TIMMDC1: variants seen among roughly 807,000 people sequenced by gnomAD.
TIMMDC1 encodes the protein complex I assembly factor TIMMDC1, mitochondrial.
Under a neutral mutation model 32.6 loss-of-function variants are expected in TIMMDC1, and 25 were observed. The observed-to-expected ratio is 0.77, with a 90% CI of 0.56 to 1.07. The LOEUF is 1.07. TIMMDC1 is among the 50% of genes least tolerant of loss of function. The probability of loss-of-function intolerance (pLI) is 0.00; values close to 1 mark genes in which losing one functional copy is unlikely to be tolerated. For missense variants in TIMMDC1, 329 were observed against 349.2 expected (o/e 0.94, Z 0.46); for synonymous variants, 130 against 127.6 (o/e 1.02, Z -0.13).
intron 4 of TIMMDC1, among the ~76,000 whole-genome samples, chr3:119,505,828 T>A (rs2081915371): frequency 6.6e-6 from 1 of 152,246 alleles, no homozygotes. Flanking sequence ...GACAACTTGC[T>A]TTATCTTCTT....
intron 6 of TIMMDC1, among the ~76,000 whole-genome samples, chr3:119,522,649 T>C (rs919747352): frequency 1.3e-5 from 2 of 152,204 alleles, no homozygotes; most frequent in African/African-American, 4.8e-5. Flanking sequence ...ACATTGTATA[T>C]GTACAAAAAT....
intron 2 of TIMMDC1, 84 bp downstream of exon 2, chr3:119,500,944 G>A (rs2081870177): frequency 2.2e-6 from 3 of 1,393,968 alleles, no homozygotes; most frequent in Non-Finnish European, 3.0e-6. Context: ...AGGTTGTGGG[G>A]ATGGAGGGTT....
intron 4 of TIMMDC1, among the ~76,000 whole-genome samples, chr3:119,507,768 T>C (rs1015842371): frequency 2.8e-4 from 42 of 152,338 alleles, no homozygotes; most frequent in Middle Eastern, 6.8e-3. Context: ...AAAGGAATTA[T>C]GGTAAATAGG....
chr3:119,517,183 T>C, intron 5 of TIMMDC1, 22 bp from the exon 6 acceptor site: 1 of 1,534,380 alleles, frequency 6.5e-7, no homozygotes, highest in Non-Finnish European at 9.0e-7. Flanking sequence ...TTTCCTAAGC[T>C]TTCCCTCTCC....
chr3:119,513,067 A>G (rs1387141222), intron 4 of TIMMDC1, among the ~76,000 whole-genome samples: 1 of 152,182 alleles, frequency 6.6e-6, no homozygotes, highest in Non-Finnish European at 1.5e-5. Flanking sequence ...AAAAAGTGTT[A>G]CCACCTTAGA....
intron 6 of TIMMDC1, among the ~76,000 whole-genome samples, chr3:119,521,000 G>A (rs7610335): frequency 0.36 from 55,216 of 151,998 alleles, 10,942 homozygotes; most frequent in African/African-American, 0.53. Flanking sequence ...GATCATCTCA[G>A]TAAATGAGAA....
intron 2 of TIMMDC1, among the ~76,000 whole-genome samples, chr3:119,502,196 T>G: frequency 6.6e-6 from 1 of 152,104 alleles, no homozygotes; most frequent in Non-Finnish European, 1.5e-5. Context: ...ATTCTTAGCA[T>G]TTATAATTTT....
intron 4 of TIMMDC1, among the ~76,000 whole-genome samples, chr3:119,511,781 C>T (rs944722862): frequency 1.3e-5 from 2 of 152,186 alleles, no homozygotes; most frequent in Non-Finnish European, 2.9e-5. Context: ...AATTCACAGA[C>T]GTACCACAAA....
intron 1 of TIMMDC1, among the ~76,000 whole-genome samples, chr3:119,499,334 A>T (rs1169730898): frequency 6.6e-6 from 1 of 151,170 alleles, no homozygotes; most frequent in African/African-American, 2.4e-5. Context: ...TCTTGGACTT[A>T]GGCGATCCGC....
chr3:119,524,828 G>A lies in TIMMDC1; in HGVS notation c.*1072G>A, dbSNP rs1365618633. On this transcript the variant is annotated 3_prime_UTR_variant, in exon 7 of 7. Coordinates refer to ENST00000494664, the MANE Select transcript of TIMMDC1 (RefSeq NM_016589.4). ...GTCAGAAAGACCCAGAAATACCAAG[G>A]AGAAAAAGCCATCTTAGGGATCTAA... is the stretch of plus-strand genomic sequence containing the variant. The A allele has an allele frequency of 6.6e-6, 1 of 152,186 alleles. No homozygotes were observed. The highest frequency in any genetic ancestry group is 2.4e-5 in the African/African-American group (1 of 41,446). 9.4% of individuals were successfully genotyped at this position (152,186 alleles called of 1,614,324 possible). A position where few individuals can be genotyped will look rare whatever the true frequency, so the allele number is the denominator to read the frequency against.
chr3:119,505,715 A>G (rs1319912669), intron 4 of TIMMDC1, among the ~76,000 whole-genome samples: 2 of 152,184 alleles, frequency 1.3e-5, no homozygotes, highest in Non-Finnish European at 2.9e-5. Flanking sequence ...CTTACAAAAG[A>G]TTGCAAAATA....
intron 4 of TIMMDC1, 75 bp from the exon 5 acceptor site, chr3:119,513,566 T>G: frequency 8.7e-7 from 1 of 1,148,082 alleles, no homozygotes; most frequent in Non-Finnish European, 1.3e-6. Flanking sequence ...GATTTCCTTT[T>G]TGTAGAAGGA....
intron 4 of TIMMDC1, among the ~76,000 whole-genome samples, chr3:119,505,663 G>A (rs1339754807): frequency 6.6e-6 from 1 of 152,108 alleles, no homozygotes; most frequent in Non-Finnish European, 1.5e-5. Flanking sequence ...TACCACGCCC[G>A]GCCTGAACAT....
At chr3:119,517,460 C>T in intron 6 of TIMMDC1, 145 bp downstream of exon 6, 1 of 561,126 alleles carries the variant, frequency 1.8e-6, no homozygotes, top group Non-Finnish European at 3.2e-6. Context: ...TCATACTGTA[C>T]ATTGTCTTTT....
At chr3:119,520,058 C>T (rs546671780) in intron 6 of TIMMDC1, among the ~76,000 whole-genome samples, 79 of 152,076 alleles carry the variant, frequency 5.2e-4, no homozygotes, top group African/African-American at 1.9e-3. Context: ...TTTCTTGAAA[C>T]AAATGAAAAC....
chr3:119,515,999 A>G (rs1326898187), intron 5 of TIMMDC1, among the ~76,000 whole-genome samples: 1 of 152,234 alleles, frequency 6.6e-6, no homozygotes, highest in Admixed American at 6.5e-5. Context: ...TCAGCATGTC[A>G]TAATCTACTG....
intron 4 of TIMMDC1, among the ~76,000 whole-genome samples, chr3:119,505,636 G>T (rs1304194124): frequency 6.6e-6 from 1 of 152,094 alleles, no homozygotes; most frequent in African/African-American, 2.4e-5. Flanking sequence ...CAGAGTGCTG[G>T]GATTACAGGC....
rs201748721 is a variant in TIMMDC1 at position 119,498,823 on chromosome 3, C to A, written c.90C>A (p.Ala30=). 5.6e-6 allele frequency: 9 copies of A among 1,614,154 alleles called. No homozygotes were observed. The African/African-American group carries it at 1.2e-4, about 22-fold the overall frequency. Residue 30 remains alanine, a synonymous_variant, in exon 1 of 7, where the codon GCC becomes GCA. Transcript: ENST00000494664. The part of the protein sequence containing the change: ...PRVFAAEAVT[A]DSEVLEERQK... ...TCTTTGCTGCCGAAGCTGTGACTGC[C>A]GATTCGGAAGTCCTTGAGGAGCGTC...
chr3:119,521,280 C>G (rs964759265), intron 6 of TIMMDC1, among the ~76,000 whole-genome samples: 6 of 152,158 alleles, frequency 3.9e-5, no homozygotes, highest in African/African-American at 1.4e-4. Flanking sequence ...GGAGGCCAGG[C>G]ACGGTGGCTC....
Sources: gnomAD v4.1 joint callset for allele counts (sites outside exome capture counted in the v4.1 genomes callset) on GRCh38, gnomAD v4.1.1 for gene constraint, MANE v1.5 for transcripts, NCBI Gene and HGNC (gene_info 2026-07-23, HGNC 2026-07-21) for gene names.